EIF3M: variants seen among roughly 807,000 people sequenced by gnomAD.
EIF3M encodes the protein eukaryotic translation initiation factor 3 subunit M.
EIF3M carries 25 observed loss-of-function variants against 49.7 expected under a neutral mutation model. The observed-to-expected ratio is 0.50, with a 90% CI of 0.37 to 0.70. The LOEUF is 0.70. Among genes scored for constraint, EIF3M ranks in the 30% least tolerant of loss-of-function variants. The pLI, the probability that EIF3M is intolerant of heterozygous loss-of-function variation, is 0.00. For missense variants in EIF3M, 350 were observed against 440.0 expected (o/e 0.80, Z 1.83); for synonymous variants, 156 against 149.8 (o/e 1.04, Z -0.30).
rs1379156715 is a variant in EIF3M, at chr11:32,605,649, C to G, written c.*3250C>G. The stretch of plus-strand genomic sequence containing the variant: ...AGGACACGTTTACTTGCTTTAGTTT[C>G]TTTCCCCTTAACTACCCACTTGCTG... On this transcript the variant is annotated 3_prime_UTR_variant, in exon 11 of 11. Coordinates refer to ENST00000531120, the MANE Select transcript of EIF3M (RefSeq NM_006360.6). 1 of 152,158 alleles carries G rather than the reference C, an allele frequency of 6.6e-6. No homozygotes were observed. The highest frequency in any genetic ancestry group is 2.1e-4 in the South Asian group (1 of 4,822). 9.4% of individuals were successfully genotyped at this position (152,158 alleles called of 1,614,324 possible).
intron 7 of EIF3M, among the ~76,000 whole-genome samples, chr11:32,595,450 T>TCCTGACCCC (rs1855165303): frequency 6.6e-6 from 1 of 152,150 alleles, no homozygotes; most frequent in Non-Finnish European, 1.5e-5. Flanking sequence ...GGTCTCCGAC[T>TCCTGACCCC]CCTGACCCCC....
chr11:32,587,927 A>G (rs1855025435), intron 2 of EIF3M, among the ~76,000 whole-genome samples: 1 of 152,232 alleles, frequency 6.6e-6, no homozygotes, highest in African/African-American at 2.4e-5. Flanking sequence ...TCAAGCAGAG[A>G]GCTGACAGCT....
chr11:32,589,623 T>C lies in EIF3M; in HGVS notation c.515T>C (p.Leu172Pro), dbSNP rs1181644114. ...HTLLRLLYEA[L>P]VDCKKSDAAS... Reference sequence around the variant, plus strand: ...CTTTTAAGACTACTTTATGAGGCACTTGTGGATTGTAAGAAGAGGTATTCA... The same window carrying C: ...CTTTTAAGACTACTTTATGAGGCACCTGTGGATTGTAAGAAGAGGTATTCA... The change falls in exon 5 of 11, where the codon CTT becomes CCT. Residue 172 changes from leucine to proline, a missense_variant. By Grantham distance (98) the Leu-to-Pro change is moderately conservative. Transcript: ENST00000531120. 6.2e-7 allele frequency: 1 copy of C among 1,614,068 alleles called. No individual in the cohort carries two copies.
chr11:32,590,080 A>G (rs1222807515), intron 5 of EIF3M, among the ~76,000 whole-genome samples: 1 of 152,198 alleles, frequency 6.6e-6, no homozygotes, highest in African/African-American at 2.4e-5. Context: ...GTCAGGTATA[A>G]AAGCACCATG....
At chr11:32,589,828 C>A (rs1439917896) in intron 5 of EIF3M, among the ~76,000 whole-genome samples, 187 bp downstream of exon 5, 1 of 152,152 alleles carries the variant, frequency 6.6e-6, no homozygotes, top group African/African-American at 2.4e-5. Context: ...AGTTTTCCCT[C>A]ATCTTTGAAC....
intron 7 of EIF3M, among the ~76,000 whole-genome samples, chr11:32,595,232 CTT>C (rs371251302): frequency 1.4e-5 from 2 of 145,554 alleles, no homozygotes; most frequent in African/African-American, 2.5e-5. Context: ...TTCTTAATTT[CTT>C]TTTTTTTTTT....
chr11:32,601,244 T>G (rs987921063), intron 9 of EIF3M: 1 of 155,696 alleles, frequency 6.4e-6, no homozygotes, highest in Non-Finnish European at 1.4e-5. Context: ...CCATTACCAG[T>G]TTTTTTATGA....
chr11:32,600,654 G>A (rs1225542878), intron 8 of EIF3M, 35 bp from the exon 9 acceptor site: 3 of 1,562,682 alleles, frequency 1.9e-6, no homozygotes, highest in Admixed American at 3.9e-5. Context: ...TAATTAGTAT[G>A]AACACTCATC....
chr11:32,602,917 G>A lies in EIF3M; in HGVS notation c.*518G>A, dbSNP rs769837758. 1.1e-5 allele frequency: 17 copies of A among 1,612,204 alleles called. No individual in the cohort carries two copies. Among genetic ancestry groups the A allele is most frequent in the Admixed American group, 1.7e-5 (1 of 59,866 alleles). ...ATTTTCACTTTTATTTAGTTGATTC[G>A]TAATGAGGCTCTGCCAGTCATCATC... On this transcript the variant is annotated 3_prime_UTR_variant, in exon 11 of 11. Coordinates refer to ENST00000531120, the MANE Select transcript of EIF3M (RefSeq NM_006360.6).
rs1254243512 is a variant in EIF3M, at chr11:32,600,798, T to C, written c.909T>C (p.Ile303=). The C allele has an allele frequency of 6.2e-7, 1 of 1,609,690 alleles. No homozygotes were observed. Among genetic ancestry groups the C allele is most frequent in the Non-Finnish European group, 8.5e-7 (1 of 1,177,754 alleles). Residue 303 remains isoleucine (I), a synonymous_variant, in exon 9 of 11, where the codon ATT becomes ATC. Coordinates refer to ENST00000531120, the MANE Select transcript of EIF3M (RefSeq NM_006360.6). ...SFDTMQQELQ[I]GADDVEAFVI... ...ACACAATGCAGCAAGAACTTCAGATTGGAGCTGATGATGTTGAAGCATTTG... is the reference window on the plus strand; with the variant it reads ...ACACAATGCAGCAAGAACTTCAGATCGGAGCTGATGATGTTGAAGCATTTG...
At position 32,588,652 on chromosome 11, in the gene EIF3M, G is replaced by A; in HGVS notation, c.234G>A (p.Lys78=). 6.2e-7 allele frequency: 1 copy of A among 1,614,210 alleles called. No homozygotes were observed. Among genetic ancestry groups the A allele is most frequent in the Non-Finnish European group, 8.5e-7 (1 of 1,180,042 alleles). Residue 78 remains lysine (K), a synonymous_variant, in exon 3 of 11, where the codon AAG becomes AAA. Coordinates refer to ENST00000531120, the MANE Select transcript of EIF3M (RefSeq NM_006360.6). ...TACTCTTGATCCTGGAACCAGACAA[G>A]CAAGAAGCTTTGATTGAAAGCCTAT... is the stretch of plus-strand genomic sequence containing the variant. ...VSLLLILEPD[K]QEALIESLCE...
At chr11:32,585,954 G>T (rs1261211405) in intron 1 of EIF3M, among the ~76,000 whole-genome samples, 3 of 152,140 alleles carry the variant, frequency 2.0e-5, no homozygotes, top group African/African-American at 7.2e-5. Context: ...ACCAGGCTGA[G>T]CACGGTGGCT....
intron 8 of EIF3M, among the ~76,000 whole-genome samples, chr11:32,597,180 T>C (rs554619773): frequency 4.6e-5 from 7 of 152,352 alleles, no homozygotes; most frequent in Admixed American, 1.3e-4. Context: ...TAAGAGCTGA[T>C]AAAATTTGAT....
chr11:32,602,244 T>C (rs1470006281), intron 10 of EIF3M, 35 bp from the exon 11 acceptor site: 1 of 1,595,852 alleles, frequency 6.3e-7, no homozygotes, highest in Non-Finnish European at 8.5e-7. Flanking sequence ...GGCTAAAAGG[T>C]TGACTAACAC....
In EIF3M at chr11:32,604,609, CCTGTT is replaced by C. The variant is rs1243864605; in HGVS notation, c.*2213_*2217del. The C allele has an allele frequency of 1.3e-5, 2 of 152,108 alleles. No individual in the cohort carries two copies. Among genetic ancestry groups the C allele is most frequent in the African/African-American group, 4.8e-5 (2 of 41,418 alleles). The allele number at this position is 152,108 out of a possible 1,614,324, so 9.4% of individuals were successfully genotyped here. On this transcript the variant is annotated 3_prime_UTR_variant, in exon 11 of 11. Transcript: ENST00000531120. ...ATGTTAAACATTTTTAGCATTTCCTCCTGTTCTTAAGTCTGTTAAGAGGATAGCTC... is the reference window on the plus strand; with the variant it reads ...ATGTTAAACATTTTTAGCATTTCCTCCTTAAGTCTGTTAAGAGGATAGCTC...
At chr11:32,586,369 A>G (rs1394019735) in intron 1 of EIF3M, among the ~76,000 whole-genome samples, 2 of 152,174 alleles carry the variant, frequency 1.3e-5, no homozygotes, top group Non-Finnish European at 2.9e-5. Flanking sequence ...GTGCTATTGT[A>G]GTTGTGTTTT....
intron 8 of EIF3M, among the ~76,000 whole-genome samples, chr11:32,596,597 T>C (rs1855182880): frequency 1.4e-5 from 1 of 73,590 alleles, no homozygotes. Flanking sequence ...CAAGAGTCTG[T>C]CTCAAAAAAA....
chr11:32,585,520 C>T (rs1239159228), intron 1 of EIF3M, among the ~76,000 whole-genome samples: 1 of 152,104 alleles, frequency 6.6e-6, no homozygotes, highest in African/African-American at 2.4e-5. Context: ...TTTTCCTTTG[C>T]TTATGCTGCT....
In EIF3M at chr11:32,602,510, A is replaced by T. The variant is rs1238069012; in HGVS notation, c.*111A>T. On this transcript the variant is annotated 3_prime_UTR_variant, in exon 11 of 11. Coordinates refer to ENST00000531120, the MANE Select transcript of EIF3M (RefSeq NM_006360.6). Reference sequence around the variant, plus strand: ...TGGACAGTTATTGTCTCAAATTTATACTAAAATCACAAACTCCAGAGGATA... The same window carrying T: ...TGGACAGTTATTGTCTCAAATTTATTCTAAAATCACAAACTCCAGAGGATA... 7.8e-7 allele frequency: 1 copy of T among 1,279,336 alleles called. No homozygotes were observed. Among genetic ancestry groups the T allele is most frequent in the Non-Finnish European group, 1.1e-6 (1 of 949,202 alleles). 79.2% of individuals were successfully genotyped at this position (1,279,336 alleles called of 1,614,324 possible).
Sources: allele counts gnomAD v4.1 joint callset (sites outside exome capture counted in the v4.1 genomes callset), GRCh38; gene constraint gnomAD v4.1.1; transcripts MANE v1.5; gene names NCBI Gene and HGNC (gene_info 2026-07-23, HGNC 2026-07-21).